Variants in SLC44A2 observed in about 807,000 individuals in gnomAD.
The protein encoded by SLC44A2 is solute carrier family 44 member 2 (CTL2 blood group).
A neutral mutation model predicts 90.8 loss-of-function variants in SLC44A2; 57 were observed. That is an observed-to-expected ratio of 0.63 (90% CI 0.51 to 0.78). SLC44A2 has a LOEUF of 0.78. Ranked by LOEUF, SLC44A2 falls within the 30% of genes least tolerant of loss-of-function variation. The pLI, the probability that SLC44A2 is intolerant of heterozygous loss-of-function variation, is 0.00. For missense variants in SLC44A2, 794 were observed against 919.7 expected (o/e 0.86, Z 1.77); for synonymous variants, 355 against 360.7 (o/e 0.98, Z 0.18).
chr19:10,623,916 C>T (rs2066909856), upstream of SLC44A2, among the ~76,000 whole-genome samples: 1 of 151,554 alleles, frequency 6.6e-6, no homozygotes, highest in Non-Finnish European at 1.5e-5. Flanking sequence ...TCTTGAACTC[C>T]TGACCTCAGT....
At chr19:10,610,311 C>T (rs1219014503) in intron 1 of SLC44A2, among the ~76,000 whole-genome samples, 7 of 151,268 alleles carry the variant, frequency 4.6e-5, no homozygotes, top group African/African-American at 1.2e-4. Context: ...AGAGAATTCT[C>T]CCTAGAGACT....
At chr19:10,604,678 GTCTTTGTCTA>G (rs1918051157) in intron 1 of SLC44A2, among the ~76,000 whole-genome samples, 1 of 152,124 alleles carries the variant, frequency 6.6e-6, no homozygotes, top group Admixed American at 6.6e-5. Context: ...GAAGCTCTGT[GTCTTTGTCTA>G]TAGGACTCGG....
At chr19:10,627,526 G>C (rs978180747) in intron 2 of SLC44A2, among the ~76,000 whole-genome samples, 196 bp from the exon 3 acceptor site, 11 of 152,132 alleles carry the variant, frequency 7.2e-5, no homozygotes, top group Non-Finnish European at 1.5e-4. Context: ...GGATGACGGA[G>C]TGAGACTCTG....
intron 1 of SLC44A2, among the ~76,000 whole-genome samples, chr19:10,605,822 C>CTCTATTAAAACCCCTCT (rs1918086669): frequency 6.6e-6 from 1 of 151,450 alleles, no homozygotes; most frequent in Non-Finnish European, 1.5e-5. Context: ...GGTGAAACCC[C>CTCTATTAAAACCCCTCT]GTCTCTATTA....
At chr19:10,629,334 G>A (rs1036230) in intron 4 of SLC44A2, among the ~76,000 whole-genome samples, 119,686 of 149,934 alleles carry the variant, frequency 0.8, 47,878 homozygotes, top group African/African-American at 0.84. Context: ...CTAGAGTGCA[G>A]TGGCACAATC....
At chr19:10,632,204 G>A (rs2067004504) in intron 10 of SLC44A2, 48 bp downstream of exon 10, 1 of 1,521,022 alleles carries the variant, frequency 6.6e-7, no homozygotes, top group Admixed American at 1.7e-5. Context: ...TCCGCACACT[G>A]CCCTGCCCTT....
intron 1 of SLC44A2, among the ~76,000 whole-genome samples, chr19:10,603,597 G>C (rs903320814): frequency 6.6e-6 from 1 of 152,212 alleles, no homozygotes. Context: ...AGGAGAGACA[G>C]ATCAGGGAGG....
Position 10,643,516 on chromosome 19 carries a change from TC to T in SLC44A2, c.*134del. ...GCTCTGCCCCTCCCCATGAGCCAGATCCCACCAGTTTCTGGACGTGGAGAGT... is the reference window on the plus strand; with the variant it reads ...GCTCTGCCCCTCCCCATGAGCCAGATCCACCAGTTTCTGGACGTGGAGAGT... On this transcript the variant is annotated 3_prime_UTR_variant, in exon 22 of 22. Transcript: ENST00000335757. 9.2e-7 allele frequency: 1 copy of T among 1,089,654 alleles called. No individual in the cohort carries two copies. Among genetic ancestry groups the T allele is most frequent in the Non-Finnish European group, 1.3e-6 (1 of 784,262 alleles). 67.5% of individuals were successfully genotyped at this position (1,089,654 alleles called of 1,614,324 possible).
chr19:10,612,768 A>G (rs1197329904), intron 1 of SLC44A2, among the ~76,000 whole-genome samples: 1 of 152,236 alleles, frequency 6.6e-6, no homozygotes, highest in Non-Finnish European at 1.5e-5. Flanking sequence ...CAGCCGTCAC[A>G]GCCAGCAAGG....
upstream of SLC44A2, among the ~76,000 whole-genome samples, chr19:10,623,881 G>T (rs936141469): frequency 6.6e-6 from 1 of 151,774 alleles, no homozygotes; most frequent in Non-Finnish European, 1.5e-5. Context: ...GTACAGACAG[G>T]GTTTTGCCTT....
chr19:10,633,973 A>ATTTTTTTTTTTTTT lies in SLC44A2; in HGVS notation c.824-781_824-768dup, dbSNP rs1406434263. Among the ~76,000 whole-genome samples the ATTTTTTTTTTTTTT allele has an allele frequency of 1.1e-4, 12 of 107,946 alleles. 1 individual carries two copies. The highest frequency in any genetic ancestry group is 4.2e-4 in the African/African-American group (11 of 26,136). The allele number at this position is 107,946 out of a possible 152,430, so 70.8% of individuals were successfully genotyped here. A position where few individuals can be genotyped will look rare whatever the true frequency, so the allele number is the denominator to read the frequency against. On this transcript the variant is annotated intron_variant, in intron 10 of 21. Coordinates refer to ENST00000335757, the MANE Select transcript of SLC44A2 (RefSeq NM_020428.4). ...ACCAACATGTAGAAACCCCATCTCT[A>ATTTTTTTTTTTTTT]TTTTTTTTTTTTTTTGAGACAGAGT...
At chr19:10,624,776 C>A (rs1402039470), upstream of SLC44A2, among the ~76,000 whole-genome samples, 2 of 152,234 alleles carry the variant, frequency 1.3e-5, no homozygotes, top group Admixed American at 1.3e-4. Context: ...GAGATTGGGT[C>A]TCTCTGGTTC....
At chr19:10,618,680 C>T (rs548989644) in intron 1 of SLC44A2, among the ~76,000 whole-genome samples, 5 of 151,814 alleles carry the variant, frequency 3.3e-5, no homozygotes, top group Admixed American at 1.3e-4. Context: ...GGGGTTTCAC[C>T]GTGTTAGCCA....
rs1272318285 is a variant in SLC44A2 at position 10,632,146 on chromosome 19, G to A, written c.813G>A (p.Val271=). The change falls in exon 10 of 22, where the codon GTG becomes GTA. Residue 271 remains valine (V), a synonymous_variant. Transcript: ENST00000335757. Reference sequence around the variant, plus strand: ...TGATGATCATCATGGTGATTCTGGTGCTGGGCTACGGTGCGTCACCCCCTC... The same window carrying A: ...TGATGATCATCATGGTGATTCTGGTACTGGGCTACGGTGCGTCACCCCCTC... ...VWVMIIMVIL[V]LGYGIFHCYM... 2 of 1,613,690 alleles carry A rather than the reference G, an allele frequency of 1.2e-6. No individual in the cohort carries two copies. The highest frequency in any genetic ancestry group is 8.5e-7 in the Non-Finnish European group (1 of 1,179,852).
chr19:10,637,779 C>A (rs772813816), intron 17 of SLC44A2, 32 bp downstream of exon 17: 1 of 1,613,268 alleles, frequency 6.2e-7, no homozygotes, highest in Non-Finnish European at 8.5e-7. Flanking sequence ...AACCAACCCG[C>A]CAGCTCCTGC....
rs1232437824 is a variant in SLC44A2, at chr19:10,602,610, G to C, written c.31+49G>C. 2.4e-6 allele frequency: 3 copies of C among 1,245,786 alleles called. No individual in the cohort carries two copies. The African/African-American group carries it at 4.7e-5, about 19-fold the overall frequency. The allele number at this position is 1,245,786 out of a possible 1,614,324, so 77.2% of individuals were successfully genotyped here. ...GCCGCCTCTGCTGACCTGCGGGTGG[G>C]AGGACCTTGAGCCAGGGGGACATCT... On this transcript the variant is annotated intron_variant, in intron 1 of 21. Coordinates refer to the SLC44A2 transcript ENST00000407327.
At chr19:10,608,222 CAAAG>C (rs987284191) in intron 1 of SLC44A2, among the ~76,000 whole-genome samples, 2 of 130,296 alleles carry the variant, frequency 1.5e-5, no homozygotes, top group African/African-American at 5.5e-5. Flanking sequence ...GACTCCGTCT[CAAAG>C]AAAAAAAAAA....
intron 1 of SLC44A2, among the ~76,000 whole-genome samples, chr19:10,609,617 T>TA (rs1007733681): frequency 2.0e-5 from 3 of 152,022 alleles, no homozygotes; most frequent in Non-Finnish European, 2.9e-5. Flanking sequence ...ATTTACATAC[T>TA]AAAAAAACCA....
chr19:10,615,208 A>C (rs2066846112), intron 1 of SLC44A2, among the ~76,000 whole-genome samples: 1 of 151,376 alleles, frequency 6.6e-6, no homozygotes, highest in Admixed American at 6.6e-5. Flanking sequence ...AGGCAGGTGG[A>C]TCATTTGAGG....
Sources: gnomAD v4.1 joint callset for allele counts (sites outside exome capture counted in the v4.1 genomes callset) on GRCh38, gnomAD v4.1.1 for gene constraint, MANE v1.5 for transcripts, NCBI Gene and HGNC (gene_info 2026-07-23, HGNC 2026-07-21) for gene names.